PARP16: variants seen among roughly 807,000 people sequenced by gnomAD.
The protein encoded by PARP16 is poly(ADP-ribose) polymerase family member 16.
PARP16 carries 31 observed loss-of-function variants against 35.0 expected under a neutral mutation model. The observed-to-expected ratio is 0.88, with a 90% CI of 0.66 to 1.19. The LOEUF (loss-of-function observed/expected upper bound fraction) is 1.19, where lower values mean the gene tolerates loss of function less well. PARP16 is among the 50% of genes most tolerant of loss of function. The pLI, the probability that PARP16 is intolerant of heterozygous loss-of-function variation, is 0.00. For missense variants in PARP16, 424 were observed against 411.2 expected, an observed-to-expected ratio of 1.03 and a Z score of -0.27; for synonymous variants, 162 against 169.5, an observed-to-expected ratio of 0.96 and a Z score of 0.34.
chr15:65,276,146 A>T (rs1163621073), intron 1 of PARP16, among the ~76,000 whole-genome samples: 1 of 152,082 alleles, frequency 6.6e-6, no homozygotes, highest in Non-Finnish European at 1.5e-5. Context: ...CACACTCTTT[A>T]ATTCCTCAAC....
chr15:65,269,346 G>A (rs902569411), intron 2 of PARP16, among the ~76,000 whole-genome samples: 2 of 151,920 alleles, frequency 1.3e-5, no homozygotes, highest in South Asian at 2.1e-4. Context: ...ACAGGCTCCC[G>A]CCACCATGCC....
At chr15:65,270,715 C>A (rs976407854) in intron 2 of PARP16, among the ~76,000 whole-genome samples, 1 of 152,162 alleles carries the variant, frequency 6.6e-6, no homozygotes, top group Non-Finnish European at 1.5e-5. Context: ...GGTCACACAG[C>A]TGAGATGAGA....
At chr15:65,254,223 C>T (rs1219829359), downstream of PARP16, among the ~76,000 whole-genome samples, 1 of 152,220 alleles carries the variant, frequency 6.6e-6, no homozygotes, top group South Asian at 2.1e-4. Flanking sequence ...ATGGACACTA[C>T]AGCAGAACGC....
At chr15:65,285,821 C>A (rs1007251983) in intron 1 of PARP16, among the ~76,000 whole-genome samples, 11 of 152,134 alleles carry the variant, frequency 7.2e-5, no homozygotes, top group African/African-American at 2.7e-4. Context: ...AAAAGTACTG[C>A]CCATAGATCA....
intron 1 of PARP16, among the ~76,000 whole-genome samples, chr15:65,283,658 C>T (rs1347607415): frequency 6.6e-6 from 1 of 152,176 alleles, no homozygotes; most frequent in Non-Finnish European, 1.5e-5. Flanking sequence ...TTCCCTGAGC[C>T]TGGCCCAAAG....
At chr15:65,268,129 A>G (rs2089969113) in intron 2 of PARP16, among the ~76,000 whole-genome samples, 1 of 152,216 alleles carries the variant, frequency 6.6e-6, no homozygotes. Flanking sequence ...CCAAGATCCC[A>G]TCAAAAGATG....
rs993509059 is a variant in PARP16 at position 65,236,836 on chromosome 15, G to T, written c.*98-2013C>A. 7.9e-5 allele frequency among the ~76,000 whole-genome samples: 12 copies of T among 152,172 alleles called. No homozygotes were observed. In the East Asian group the frequency reaches 1.7e-3, roughly 22 times the overall value. On this transcript the variant is annotated intron_variant and NMD_transcript_variant, in intron 3 of 3. Coordinates refer to the PARP16 transcript ENST00000559805. The stretch of plus-strand genomic sequence containing the variant: ...AAATACAAAAAATTAGCTGGATGTG[G>T]TGGCGGGCACCTGTAGTCCCAGCTA...
At chr15:65,243,213 C>G (rs772863532) in intron 3 of PARP16, among the ~76,000 whole-genome samples, 2 of 152,086 alleles carry the variant, frequency 1.3e-5, no homozygotes, top group Non-Finnish European at 2.9e-5. Flanking sequence ...CATTCTCAAT[C>G]TTAGAGTGAA....
At chr15:65,232,612 T>A (rs543598909), downstream of PARP16, among the ~76,000 whole-genome samples, 16 of 152,216 alleles carry the variant, frequency 1.1e-4, 1 homozygote, top group African/African-American at 3.6e-4. Flanking sequence ...AGTTAAAAAT[T>A]ACTCACCGGA....
intron 2 of PARP16, among the ~76,000 whole-genome samples, chr15:65,269,534 C>G (rs1039913535): frequency 2.6e-5 from 4 of 152,140 alleles, no homozygotes; most frequent in Non-Finnish European, 5.9e-5. Context: ...CAAAGCCAGT[C>G]TATGGCAAAG....
chr15:65,262,508 G>T (rs754558018), intron 4 of PARP16, among the ~76,000 whole-genome samples: 5 of 152,140 alleles, frequency 3.3e-5, no homozygotes, highest in East Asian at 1.9e-4. Context: ...ACACAATGGT[G>T]GGGGGAGACA....
chr15:65,249,925 A>G (rs2089308881), intron 2 of PARP16, among the ~76,000 whole-genome samples: 5 of 152,044 alleles, frequency 3.3e-5, no homozygotes, highest in Admixed American at 3.3e-4. Context: ...CATGGTTTCC[A>G]CTTCTGACAT....
intron 2 of PARP16, among the ~76,000 whole-genome samples, chr15:65,269,132 C>G (rs1420356300): frequency 6.6e-6 from 1 of 151,902 alleles, no homozygotes; most frequent in Admixed American, 6.6e-5. Flanking sequence ...TTACCCAAGA[C>G]AAGCCAGGAC....
chr15:65,280,136 C>A (rs762776815), intron 1 of PARP16, among the ~76,000 whole-genome samples: 1 of 151,868 alleles, frequency 6.6e-6, no homozygotes, highest in Non-Finnish European at 1.5e-5. Context: ...GAAAGCCTTC[C>A]TTAGAAAGGT....
chr15:65,285,622 G>T (rs1030598397), intron 1 of PARP16: 1 of 201,994 alleles, frequency 5.0e-6, no homozygotes, highest in Non-Finnish European at 1.1e-5. Flanking sequence ...TCAGCTATTG[G>T]CGATTTCAAT....
At chr15:65,275,936 AAC>A in intron 1 of PARP16, among the ~76,000 whole-genome samples, 1 of 152,110 alleles carries the variant, frequency 6.6e-6, no homozygotes, top group East Asian at 1.9e-4. Flanking sequence ...AGCCCTTGTC[AAC>A]AGTCCATATC....
chr15:65,239,860 G>A (rs188154796), intron 3 of PARP16, among the ~76,000 whole-genome samples: 337 of 149,682 alleles, frequency 2.3e-3, no homozygotes, highest in Non-Finnish European at 3.3e-3. Flanking sequence ...GTTTCACTGC[G>A]TTAACTAGGA....
At chr15:65,240,279 G>A (rs977204994) in intron 3 of PARP16, among the ~76,000 whole-genome samples, 3 of 148,182 alleles carry the variant, frequency 2.0e-5, no homozygotes, top group Admixed American at 6.8e-5. Context: ...CTTGGCGCCC[G>A]CCACCACGCC....
chr15:65,235,421 C>T (rs2088850927), intron 3 of PARP16, among the ~76,000 whole-genome samples: 1 of 152,032 alleles, frequency 6.6e-6, no homozygotes, highest in African/African-American at 2.4e-5. Flanking sequence ...GCATTTCTGT[C>T]ACATTCTGTT....
Sources: gnomAD v4.1 joint callset for allele counts (sites outside exome capture counted in the v4.1 genomes callset) on GRCh38, gnomAD v4.1.1 for gene constraint, MANE v1.5 for transcripts, NCBI Gene and HGNC (gene_info 2026-07-23, HGNC 2026-07-21) for gene names.